Variants in NAV3 observed in about 807,000 individuals in gnomAD.
NAV3 encodes the protein pore membrane and/or filament interacting like protein 1.
NAV3 carries 87 observed loss-of-function variants against 244.7 expected under a neutral mutation model. That is an observed-to-expected ratio of 0.36 (90% CI 0.30 to 0.42). The LOEUF (loss-of-function observed/expected upper bound fraction) is 0.42, where lower values mean the gene tolerates loss of function less well. NAV3 is among the 20% of genes least tolerant of loss of function. The probability of loss-of-function intolerance (pLI) is 1.00; values close to 1 mark genes in which losing one functional copy is unlikely to be tolerated. For synonymous variants in NAV3, 1,126 were observed against 1,042.2 expected (o/e 1.08, Z -1.55); for missense variants, 2,663 against 2,893.3 (o/e 0.92, Z 1.83).
intron 12 of NAV3, among the ~76,000 whole-genome samples, chr12:78,080,399 A>G (rs1953288439): frequency 6.6e-6 from 1 of 152,218 alleles, no homozygotes; most frequent in Admixed American, 6.5e-5. Context: ...TTAACTTTTA[A>G]AAGTTTTCTA....
intron 5 of NAV3, among the ~76,000 whole-genome samples, chr12:77,976,672 T>TTTG (rs1868471905): frequency 1.5e-5 from 1 of 65,812 alleles, no homozygotes; most frequent in Non-Finnish European, 3.3e-5. Flanking sequence ...CTTTCTTTTT[T>TTTG]TCTTTTTTTT....
intron 2 of NAV3, among the ~76,000 whole-genome samples, chr12:77,573,758 A>C (rs1396801768): frequency 6.6e-6 from 1 of 152,154 alleles, no homozygotes; most frequent in Non-Finnish European, 1.5e-5. Flanking sequence ...GGTAATAGGT[A>C]AGTGATTAAT....
chr12:77,999,308 CT>C (rs1872846096), intron 7 of NAV3, among the ~76,000 whole-genome samples: 3 of 152,168 alleles, frequency 2.0e-5, no homozygotes, highest in Admixed American at 6.5e-5. Context: ...GAACTTCAAA[CT>C]TTTCTTCAGA....
chr12:78,076,331 C>T (rs1014912909), intron 12 of NAV3, among the ~76,000 whole-genome samples: 1 of 152,154 alleles, frequency 6.6e-6, no homozygotes, highest in Non-Finnish European at 1.5e-5. Context: ...TCTGTGAACT[C>T]TCCTCAAAAC....
intron 1 of NAV3, among the ~76,000 whole-genome samples, chr12:77,844,495 C>T (rs1281440701): frequency 6.6e-6 from 1 of 152,166 alleles, no homozygotes; most frequent in African/African-American, 2.4e-5. Flanking sequence ...AGAGTCACAA[C>T]TTTACTTGCT....
At chr12:77,606,243 T>G (rs1329222358) in intron 2 of NAV3, among the ~76,000 whole-genome samples, 2 of 152,166 alleles carry the variant, frequency 1.3e-5, no homozygotes. Flanking sequence ...CAATGCTGGG[T>G]GAGAATATTA....
intron 2 of NAV3, among the ~76,000 whole-genome samples, chr12:77,696,880 A>G (rs1875329316): frequency 6.6e-6 from 1 of 152,102 alleles, no homozygotes; most frequent in Admixed American, 6.6e-5. Context: ...ACTCATGTAC[A>G]TTTACTAATT....
In NAV3 at chr12:77,896,985, G is replaced by T. The variant is rs570345628; in HGVS notation, c.244-43334G>T. ...TTCTGTACCTCCCTGATCAAAGTGT[G>T]GTCTGTTGACCAGAGGCATGGGCAT... On this transcript the variant is annotated intron_variant, in intron 1 of 39. Coordinates refer to ENST00000397909, the MANE Select transcript of NAV3 (RefSeq NM_001024383.2). Among the ~76,000 whole-genome samples the T allele has an allele frequency of 2.0e-5, 3 of 152,222 alleles. No individual in the cohort carries two copies. The South Asian group carries it at 6.2e-4, about 32-fold the overall frequency.
intron 12 of NAV3, among the ~76,000 whole-genome samples, chr12:78,092,622 C>T (rs1954016158): frequency 6.7e-6 from 1 of 150,256 alleles, no homozygotes; most frequent in African/African-American, 2.4e-5. Context: ...GGCTCAGCCT[C>T]CCGAGTAGCT....
intron 8 of NAV3, among the ~76,000 whole-genome samples, chr12:78,014,085 T>C (rs1225096462): frequency 6.6e-6 from 1 of 152,080 alleles, no homozygotes; most frequent in Non-Finnish European, 1.5e-5. Context: ...CTACATGCTT[T>C]CAAGGACATG....
intron 2 of NAV3, among the ~76,000 whole-genome samples, chr12:77,632,627 G>A (rs1871965848): frequency 6.6e-6 from 1 of 152,132 alleles, no homozygotes; most frequent in Admixed American, 6.5e-5. Flanking sequence ...TTTGAGAGGG[G>A]ACACAGCCAA....
intron 7 of NAV3, among the ~76,000 whole-genome samples, chr12:78,003,168 T>TTTTTTTTTTTTTTTTTTTTTTGAGACGG (rs1873607444): frequency 6.7e-6 from 1 of 149,704 alleles, no homozygotes; most frequent in Non-Finnish European, 1.5e-5. Context: ...AGCAATTATT[T>TTTTTTTTTTTTTTTTTTTTTTGAGACGG]ATGCAAAGCA....
intron 19 of NAV3, among the ~76,000 whole-genome samples, chr12:78,139,331 A>G (rs768495564): frequency 2.0e-5 from 3 of 152,016 alleles, no homozygotes; most frequent in Admixed American, 1.3e-4. Context: ...CACCTCCCAT[A>G]TGTCCTTGTA....
At chr12:78,104,730 T>C (rs1753313893) in intron 12 of NAV3, among the ~76,000 whole-genome samples, 1 of 152,206 alleles carries the variant, frequency 6.6e-6, no homozygotes, top group African/African-American at 2.4e-5. Context: ...AATTTTGACA[T>C]ATGCATCAAG....
At chr12:77,722,239 A>G (rs1161387103) in intron 2 of NAV3, among the ~76,000 whole-genome samples, 5 of 152,106 alleles carry the variant, frequency 3.3e-5, no homozygotes, top group African/African-American at 1.2e-4. Flanking sequence ...TATTTTCTAC[A>G]CTGTGTACTG....
chr12:77,809,322 T>C (rs989623767), intron 2 of NAV3, among the ~76,000 whole-genome samples: 3 of 152,214 alleles, frequency 2.0e-5, no homozygotes, highest in East Asian at 3.9e-4. Flanking sequence ...GGAAATCTCC[T>C]GGTCTGTGGG....
At chr12:77,797,693 T>C (rs560589336) in intron 2 of NAV3, among the ~76,000 whole-genome samples, 1 of 151,100 alleles carries the variant, frequency 6.6e-6, no homozygotes, top group South Asian at 2.1e-4. Flanking sequence ...ATACAACAAT[T>C]AGCCAGGGGT....
chr12:77,906,201 A>C (rs1407465518), intron 1 of NAV3, among the ~76,000 whole-genome samples: 1 of 152,110 alleles, frequency 6.6e-6, no homozygotes, highest in Non-Finnish European at 1.5e-5. Context: ...AGCAGGGTTG[A>C]AATACATTAG....
At chr12:77,909,271 A>G (rs1259049973) in intron 1 of NAV3, among the ~76,000 whole-genome samples, 1 of 152,104 alleles carries the variant, frequency 6.6e-6, no homozygotes, top group Non-Finnish European at 1.5e-5. Context: ...TGTAGTAGAG[A>G]AACTTTCAGG....
Sources: gnomAD v4.1 joint callset for allele counts (sites outside exome capture counted in the v4.1 genomes callset) on GRCh38, gnomAD v4.1.1 for gene constraint, MANE v1.5 for transcripts, NCBI Gene and HGNC (gene_info 2026-07-23, HGNC 2026-07-21) for gene names.